TLK2: variants seen among roughly 807,000 people sequenced by gnomAD.
TLK2 encodes the protein serine/threonine-protein kinase tousled-like 2.
Under a neutral mutation model 117.3 loss-of-function variants are expected in TLK2, and 6 were observed. The ratio of observed to expected loss-of-function variants is 0.05; its 90% CI spans 0.03 to 0.10. The LOEUF (loss-of-function observed/expected upper bound fraction) is 0.10, where lower values mean the gene tolerates loss of function less well. TLK2 is among the 10% of genes least tolerant of loss of function. The pLI is 1.00. For synonymous variants in TLK2, 257 were observed against 316.7 expected (o/e 0.81, Z 2.00); for missense variants, 299 against 901.2 (o/e 0.33, Z 8.56).
intron 16 of TLK2, among the ~76,000 whole-genome samples, chr17:62,591,056 C>T (rs550872588): frequency 1.3e-5 from 2 of 152,234 alleles, no homozygotes; most frequent in South Asian, 4.1e-4. Context: ...TTGAGACCAG[C>T]CTGGCCAATA....
rs775838857 is a variant in TLK2, at chr17:62,574,916, A to G, written c.1121+1549A>G. Among the ~76,000 whole-genome samples the G allele has an allele frequency of 4.0e-4, 61 of 152,330 alleles. 1 individual carries two copies. The highest frequency in any genetic ancestry group is 7.1e-4 in the Non-Finnish European group (48 of 68,028). On this transcript the variant is annotated intron_variant, in intron 12 of 21. Transcript: ENST00000346027. ...AGGGGAAGAGTATTGAGTCTTAAATATAAAGTATTTTCCTTTCAGCAAGTC... is the reference window on the plus strand; with the variant it reads ...AGGGGAAGAGTATTGAGTCTTAAATGTAAAGTATTTTCCTTTCAGCAAGTC...
upstream of TLK2, among the ~76,000 whole-genome samples, chr17:62,478,347 G>C (rs2071164711): frequency 6.6e-6 from 1 of 151,448 alleles, no homozygotes; most frequent in African/African-American, 2.4e-5. Flanking sequence ...GCGGGCGCGG[G>C]GGCCGGCGAG....
intron 16 of TLK2, among the ~76,000 whole-genome samples, chr17:62,586,989 C>A (rs1414565326): frequency 6.6e-6 from 1 of 152,004 alleles, no homozygotes; most frequent in African/African-American, 2.4e-5. Flanking sequence ...GTGCTATGTT[C>A]TCCTCCCGGT....
At chr17:62,532,818 G>T (rs1188953018) in intron 6 of TLK2, among the ~76,000 whole-genome samples, 1 of 151,794 alleles carries the variant, frequency 6.6e-6, no homozygotes, top group Non-Finnish European at 1.5e-5. Flanking sequence ...ATTAACTTAC[G>T]CATTTTTCCT....
At chr17:62,494,652 C>T (rs1030835437) in intron 2 of TLK2, among the ~76,000 whole-genome samples, 1 of 152,126 alleles carries the variant, frequency 6.6e-6, no homozygotes, top group South Asian at 2.1e-4. Flanking sequence ...GATTCACCTG[C>T]CTTGGCCTCC....
chr17:62,549,462 G>T (rs2078266839), intron 7 of TLK2, among the ~76,000 whole-genome samples: 1 of 125,276 alleles, frequency 8.0e-6, no homozygotes, highest in East Asian at 2.9e-4. Context: ...AAAAGGAGAG[G>T]ATTGTAAAAG....
chr17:62,576,955 T>C (rs2080837093), intron 13 of TLK2, among the ~76,000 whole-genome samples, 180 bp downstream of exon 13: 1 of 119,488 alleles, frequency 8.4e-6, no homozygotes, highest in Admixed American at 8.7e-5. Flanking sequence ...TTTTCCATTT[T>C]CTTTCTTCTT....
chr17:62,490,862 T>C (rs1362158485), intron 2 of TLK2, among the ~76,000 whole-genome samples: 2 of 152,180 alleles, frequency 1.3e-5, no homozygotes, highest in African/African-American at 4.8e-5. Flanking sequence ...AATTTTTCTT[T>C]AGAATTTAAT....
intron 2 of TLK2, among the ~76,000 whole-genome samples, chr17:62,502,145 C>T (rs1336505633): frequency 6.7e-6 from 1 of 149,992 alleles, no homozygotes; most frequent in Non-Finnish European, 1.5e-5. Flanking sequence ...TATCCCTCAA[C>T]ATATATATAG....
intron 15 of TLK2, among the ~76,000 whole-genome samples, chr17:62,582,005 T>C (rs1257019339): frequency 6.6e-6 from 1 of 152,132 alleles, no homozygotes; most frequent in African/African-American, 2.4e-5. Flanking sequence ...CCCAGCACTC[T>C]GGGAGCCGAG....
At chr17:62,589,050 C>G (rs1440597304) in intron 16 of TLK2, among the ~76,000 whole-genome samples, 4 of 151,990 alleles carry the variant, frequency 2.6e-5, no homozygotes, top group Non-Finnish European at 5.9e-5. Flanking sequence ...AGGCAGATTT[C>G]AAAAGAAAAT....
intron 15 of TLK2, among the ~76,000 whole-genome samples, chr17:62,585,296 A>G (rs577603415): frequency 6.6e-6 from 1 of 152,312 alleles, no homozygotes; most frequent in African/African-American, 2.4e-5. Flanking sequence ...TAATCCCAGC[A>G]CTTTGGGAGG....
At chr17:62,567,235 A>G (rs143620834) in intron 11 of TLK2, among the ~76,000 whole-genome samples, 1 of 152,214 alleles carries the variant, frequency 6.6e-6, no homozygotes, top group Non-Finnish European at 1.5e-5. Context: ...ACCCTGTCTC[A>G]TAACAAAACA....
chr17:62,548,949 C>T (rs1419959450), intron 7 of TLK2, among the ~76,000 whole-genome samples: 1 of 150,906 alleles, frequency 6.6e-6, no homozygotes, highest in Non-Finnish European at 1.5e-5. Context: ...CCATGTTGGC[C>T]AGGCTGGTCT....
chr17:62,565,730 C>G (rs1284633606), intron 11 of TLK2, among the ~76,000 whole-genome samples: 4 of 151,026 alleles, frequency 2.6e-5, no homozygotes. Flanking sequence ...GAAGAAAAAC[C>G]TAGGGTTTGA....
At chr17:62,490,970 A>G (rs1567781025) in intron 2 of TLK2, among the ~76,000 whole-genome samples, 1 of 152,174 alleles carries the variant, frequency 6.6e-6, no homozygotes, top group East Asian at 1.9e-4. Flanking sequence ...TCCTGGGCTC[A>G]AGTGATTCTC....
At chr17:62,585,625 TTTTTA>T (rs1567973150) in intron 15 of TLK2, 1 of 152,420 alleles carries the variant, frequency 6.6e-6, no homozygotes, top group South Asian at 2.1e-4. Context: ...CTTGTTTCTC[TTTTTA>T]TTTTAATAAA....
chr17:62,481,449 A>T (rs1022617733), intron 2 of TLK2, among the ~76,000 whole-genome samples: 2 of 152,196 alleles, frequency 1.3e-5, no homozygotes, highest in Non-Finnish European at 2.9e-5. Flanking sequence ...GAGGTTTCTC[A>T]TGGTTCTTGT....
chr17:62,578,338 A>G, intron 13 of TLK2, 139 bp from the exon 14 acceptor site: 1 of 689,680 alleles, frequency 1.4e-6, no homozygotes, highest in Admixed American at 2.8e-5. Context: ...TATGATTAAA[A>G]TTCTTAAAGA....
Sources: allele counts gnomAD v4.1 joint callset (sites outside exome capture counted in the v4.1 genomes callset), GRCh38; gene constraint gnomAD v4.1.1; transcripts MANE v1.5; gene names NCBI Gene and HGNC (gene_info 2026-07-23, HGNC 2026-07-21).